Variants in WWOX observed in about 807,000 individuals in gnomAD.
The protein encoded by WWOX is WW domain-containing oxidoreductase.
In WWOX, 69 loss-of-function variants were observed where a neutral mutation model predicts 46.2. The observed-to-expected ratio is 1.49, with a 90% CI of 1.23 to 1.82. The LOEUF is 1.82. Ranked by LOEUF, WWOX falls within the 40% of genes most tolerant of loss-of-function variation. The probability of loss-of-function intolerance (pLI) is 0.00; values close to 1 mark genes in which losing one functional copy is unlikely to be tolerated. For synonymous variants in WWOX, 359 were observed against 202.6 expected (o/e 1.77, Z -6.56); for missense variants, 919 against 542.6 (o/e 1.69, Z -6.89).
At chr16:78,727,322 C>T (rs926641787) in intron 8 of WWOX, among the ~76,000 whole-genome samples, 1 of 152,154 alleles carries the variant, frequency 6.6e-6, no homozygotes, top group African/African-American at 2.4e-5. Flanking sequence ...TCACTTCAAC[C>T]CGGAAGGCGG....
chr16:79,059,282 C>G (rs1319319536), intron 8 of WWOX, among the ~76,000 whole-genome samples: 1 of 152,126 alleles, frequency 6.6e-6, no homozygotes, highest in East Asian at 1.9e-4. Context: ...AAAAGACACC[C>G]TCATGTTGAA....
chr16:78,959,756 A>G (rs746567275), intron 8 of WWOX, among the ~76,000 whole-genome samples: 4 of 152,154 alleles, frequency 2.6e-5, no homozygotes, highest in Admixed American at 6.5e-5. Flanking sequence ...AAATGCCCAT[A>G]TTGATGAATC....
chr16:78,749,079 G>T (rs1464675941), intron 8 of WWOX, among the ~76,000 whole-genome samples: 1 of 152,238 alleles, frequency 6.6e-6, no homozygotes, highest in Non-Finnish European at 1.5e-5. Flanking sequence ...TGGTCTGGAT[G>T]TGTTTTAGTG....
intron 8 of WWOX, among the ~76,000 whole-genome samples, chr16:78,988,071 T>C (rs1172030582): frequency 1.3e-5 from 2 of 151,990 alleles, no homozygotes; most frequent in Non-Finnish European, 2.9e-5. Context: ...GGTCTGGTGC[T>C]GTGGGTCACG....
chr16:79,122,510 CCCTT>C (rs757940115), intron 8 of WWOX, among the ~76,000 whole-genome samples: 130 of 150,680 alleles, frequency 8.6e-4, no homozygotes, highest in South Asian at 4.4e-3. Flanking sequence ...CTTTTTCCTT[CCCTT>C]CCTTCCTTCC....
intron 8 of WWOX, among the ~76,000 whole-genome samples, chr16:78,916,075 T>C (rs2045244367): frequency 6.6e-6 from 1 of 152,184 alleles, no homozygotes; most frequent in African/African-American, 2.4e-5. Flanking sequence ...GATGCTATCA[T>C]TGTGTTTACA....
At chr16:78,136,134 A>C (rs567257226) in intron 4 of WWOX, among the ~76,000 whole-genome samples, 6 of 152,316 alleles carry the variant, frequency 3.9e-5, no homozygotes, top group East Asian at 1.9e-4. Context: ...AACTTTATCA[A>C]CCTTGGCTGA....
chr16:78,407,885 A>G (rs575096545), intron 6 of WWOX, among the ~76,000 whole-genome samples: 1 of 152,330 alleles, frequency 6.6e-6, no homozygotes, highest in East Asian at 1.9e-4. Flanking sequence ...TGTCTACTGT[A>G]GAGATAACAT....
At chr16:78,939,182 T>A (rs571546881) in intron 8 of WWOX, among the ~76,000 whole-genome samples, 1 of 152,118 alleles carries the variant, frequency 6.6e-6, no homozygotes, top group African/African-American at 2.4e-5. Flanking sequence ...CAGAACAGTT[T>A]ATATAATCAT....
At chr16:79,005,146 T>C (rs1157350636) in intron 8 of WWOX, among the ~76,000 whole-genome samples, 1 of 152,148 alleles carries the variant, frequency 6.6e-6, no homozygotes, top group East Asian at 1.9e-4. Context: ...CTGTCTGGCC[T>C]TTCTCTTTTG....
chr16:78,643,276 T>G (rs911307578), intron 8 of WWOX, among the ~76,000 whole-genome samples: 5 of 152,252 alleles, frequency 3.3e-5, no homozygotes, highest in Admixed American at 2.0e-4. Context: ...TTTTACCATG[T>G]GCCAAGCATA....
intron 8 of WWOX, among the ~76,000 whole-genome samples, chr16:78,680,529 A>T (rs2047704660): frequency 6.6e-6 from 1 of 152,182 alleles, no homozygotes; most frequent in Non-Finnish European, 1.5e-5. Flanking sequence ...CAAAGGAAAG[A>T]AAACAAACAA....
At chr16:78,549,733 C>T (rs1008379876) in intron 8 of WWOX, among the ~76,000 whole-genome samples, 1 of 152,228 alleles carries the variant, frequency 6.6e-6, no homozygotes, top group Middle Eastern at 3.4e-3. Context: ...ACATTCTGAA[C>T]GGCTTAATCC....
chr16:78,719,126 C>A (rs2048635800), intron 8 of WWOX, among the ~76,000 whole-genome samples: 2 of 152,178 alleles, frequency 1.3e-5, no homozygotes, highest in Non-Finnish European at 2.9e-5. Context: ...CCAAGCCCAT[C>A]ATGTATCATC....
chr16:78,106,428 T>G lies in WWOX; in HGVS notation c.108-1995T>G, dbSNP rs868307036. On this transcript the variant is annotated intron_variant, in intron 1 of 8. Coordinates refer to ENST00000566780, the MANE Select transcript of WWOX (RefSeq NM_016373.4). The stretch of plus-strand genomic sequence containing the variant: ...TCAGAACGGTTTTTTTTTGTTTTTT[T>G]TTTTTTTTTTTGAGATGGAGTTTCA... 4.3e-4 allele frequency among the ~76,000 whole-genome samples: 64 copies of G among 148,212 alleles called. No homozygotes were observed. In the Middle Eastern group the frequency reaches 0.01, roughly 24 times the overall value.
chr16:78,603,920 T>C (rs1029279583), intron 8 of WWOX, among the ~76,000 whole-genome samples: 1 of 151,990 alleles, frequency 6.6e-6, no homozygotes, highest in African/African-American at 2.4e-5. Flanking sequence ...CGTGGGAGGA[T>C]TGCTTGAGCC....
intron 8 of WWOX, among the ~76,000 whole-genome samples, chr16:78,873,995 C>T (rs1438397092): frequency 6.6e-6 from 1 of 151,502 alleles, no homozygotes; most frequent in Non-Finnish European, 1.5e-5. Context: ...AGCACGGTGG[C>T]TCATGCCTGT....
chr16:78,919,078 C>T (rs1452517738), intron 8 of WWOX, among the ~76,000 whole-genome samples: 1 of 152,102 alleles, frequency 6.6e-6, no homozygotes, highest in African/African-American at 2.4e-5. Context: ...GTTCCTGTTC[C>T]TCATTTCCAA....
At chr16:79,031,076 G>C (rs1427407804) in intron 8 of WWOX, among the ~76,000 whole-genome samples, 4 of 138,934 alleles carry the variant, frequency 2.9e-5, no homozygotes, top group Admixed American at 7.6e-5. Flanking sequence ...CTGGACAACA[G>C]AGTGAGACCC....
Sources: gnomAD v4.1 joint callset for allele counts (sites outside exome capture counted in the v4.1 genomes callset) on GRCh38, gnomAD v4.1.1 for gene constraint, MANE v1.5 for transcripts, NCBI Gene and HGNC (gene_info 2026-07-23, HGNC 2026-07-21) for gene names.